The following CSMD1 variants were observed in gnomAD, a reference collection of about 807,000 sequenced individuals.
The protein encoded by CSMD1 is CUB and sushi domain-containing protein 1.
In CSMD1, 213 loss-of-function variants were observed where a neutral mutation model predicts 417.5. That is an observed-to-expected ratio of 0.51 (90% CI 0.46 to 0.57). The LOEUF (loss-of-function observed/expected upper bound fraction) is 0.57, where lower values mean the gene tolerates loss of function less well. Ranked by LOEUF, CSMD1 falls within the 20% of genes least tolerant of loss-of-function variation. The pLI, the probability that CSMD1 is intolerant of heterozygous loss-of-function variation, is 0.00. For missense variants in CSMD1, 6,923 were observed against 4,529.7 expected (o/e 1.53, Z -15.17); for synonymous variants, 2,862 against 1,736.8 (o/e 1.65, Z -16.11).
intron 12 of CSMD1, among the ~76,000 whole-genome samples, chr8:3,411,942 G>A (rs1422534037): frequency 0.06 from 392 of 6,530 alleles, no homozygotes; most frequent in Middle Eastern, 0.17. Flanking sequence ...ACGTATATAT[G>A]CACGTATATA....
At chr8:3,710,696 G>A (rs921843823) in intron 6 of CSMD1, among the ~76,000 whole-genome samples, 14 of 152,220 alleles carry the variant, frequency 9.2e-5, no homozygotes, top group Middle Eastern at 3.4e-3. Context: ...TCTTTGCAGC[G>A]ACACTGTGCA....
intron 8 of CSMD1, among the ~76,000 whole-genome samples, chr8:3,587,246 A>G (rs562755647): frequency 6.6e-6 from 1 of 152,334 alleles, no homozygotes; most frequent in South Asian, 2.1e-4. Flanking sequence ...GCTGCATTCA[A>G]AAGTGTGAGA....
At chr8:3,247,247 A>G (rs1009524427) in intron 26 of CSMD1, among the ~76,000 whole-genome samples, 4 of 152,178 alleles carry the variant, frequency 2.6e-5, no homozygotes, top group African/African-American at 9.6e-5. Context: ...ATTCACAGCG[A>G]TGTGGGTGGT....
intron 17 of CSMD1, among the ~76,000 whole-genome samples, chr8:3,395,695 G>C (rs1349739089): frequency 6.6e-6 from 1 of 152,142 alleles, no homozygotes; most frequent in East Asian, 1.9e-4. Context: ...ATTTGGTAAG[G>C]TTTAGCAGGT....
chr8:2,951,771 G>A (rs1159391380), intron 65 of CSMD1, among the ~76,000 whole-genome samples: 1 of 152,080 alleles, frequency 6.6e-6, no homozygotes, highest in Non-Finnish European at 1.5e-5. Context: ...AGCACCAAGT[G>A]GACTTATGAA....
chr8:3,715,165 AT>A (rs1280790677), intron 6 of CSMD1, among the ~76,000 whole-genome samples: 1 of 152,130 alleles, frequency 6.6e-6, no homozygotes, highest in Non-Finnish European at 1.5e-5. Context: ...ACATTTAATT[AT>A]TTTTTGCAAA....
At chr8:4,929,203 G>A (rs12545626) in intron 1 of CSMD1, among the ~76,000 whole-genome samples, 42,475 of 152,064 alleles carry the variant, frequency 0.28, 7,406 homozygotes, top group East Asian at 0.54. Flanking sequence ...AGCACGAGGG[G>A]ACACAGTGAG....
intron 3 of CSMD1, among the ~76,000 whole-genome samples, chr8:4,116,338 A>G (rs562691967): frequency 2.0e-5 from 3 of 152,168 alleles, no homozygotes; most frequent in Non-Finnish European, 4.4e-5. Context: ...GTATGATACT[A>G]TAAGGGTGGA....
At chr8:4,662,575 T>C (rs1161315621) in intron 1 of CSMD1, among the ~76,000 whole-genome samples, 1 of 152,216 alleles carries the variant, frequency 6.6e-6, no homozygotes, top group East Asian at 1.9e-4. Flanking sequence ...AAAGATGTCA[T>C]TCATGTGCCC....
intron 3 of CSMD1, among the ~76,000 whole-genome samples, chr8:4,067,799 C>G (rs1194160839): frequency 6.6e-6 from 1 of 152,118 alleles, no homozygotes; most frequent in African/African-American, 2.4e-5. Flanking sequence ...TAAAATGGGG[C>G]CAGATACAGT....
At chr8:4,008,428 G>A (rs1455783314) in intron 4 of CSMD1, among the ~76,000 whole-genome samples, 1 of 150,658 alleles carries the variant, frequency 6.6e-6, no homozygotes, top group Non-Finnish European at 1.5e-5. Context: ...TTTTTTATTT[G>A]GAATCTGAAA....
chr8:4,652,007 A>T (rs952507044), intron 1 of CSMD1, among the ~76,000 whole-genome samples: 1 of 152,210 alleles, frequency 6.6e-6, no homozygotes, highest in African/African-American at 2.4e-5. Context: ...AATTAGAAAA[A>T]TGTCTAAGTC....
At chr8:4,024,706 G>T (rs1796972477) in intron 4 of CSMD1, among the ~76,000 whole-genome samples, 1 of 152,132 alleles carries the variant, frequency 6.6e-6, no homozygotes, top group South Asian at 2.1e-4. Context: ...ACCTTCCTAT[G>T]GTGGTTCATT....
intron 1 of CSMD1, among the ~76,000 whole-genome samples, chr8:4,924,655 G>T (rs1288715940): frequency 7.3e-6 from 1 of 136,758 alleles, no homozygotes; most frequent in African/African-American, 2.7e-5. Flanking sequence ...CTGGGAGGTG[G>T]AGGTTGCAGT....
chr8:3,566,001 C>T (rs73179130), intron 10 of CSMD1, among the ~76,000 whole-genome samples: 35,529 of 152,102 alleles, frequency 0.23, 4,449 homozygotes, highest in Non-Finnish European at 0.28. Flanking sequence ...TACATTGACA[C>T]CCCATTTCCT....
chr8:3,374,583 A>C (rs1214422453), intron 18 of CSMD1, among the ~76,000 whole-genome samples: 3 of 152,198 alleles, frequency 2.0e-5, no homozygotes, highest in African/African-American at 7.2e-5. Flanking sequence ...GTGAATCAAC[A>C]AAGTGATGAA....
At chr8:4,653,683 G>A (rs1804049733) in intron 1 of CSMD1, among the ~76,000 whole-genome samples, 1 of 152,026 alleles carries the variant, frequency 6.6e-6, no homozygotes, top group Non-Finnish European at 1.5e-5. Flanking sequence ...GTTGCCCCAG[G>A]CTGAAAATAA....
chr8:3,485,979 T>A (rs1323426257), intron 11 of CSMD1, among the ~76,000 whole-genome samples: 1 of 152,090 alleles, frequency 6.6e-6, no homozygotes, highest in Non-Finnish European at 1.5e-5. Flanking sequence ...AGGGGTTCAA[T>A]GAGCGATTAG....
chr8:4,538,137 A>G (rs1797194766), intron 2 of CSMD1, among the ~76,000 whole-genome samples: 3 of 151,418 alleles, frequency 2.0e-5, no homozygotes, highest in Admixed American at 2.0e-4. Flanking sequence ...CTGTGATGTC[A>G]TTTGGCACAG....
Sources: gnomAD v4.1 joint callset for allele counts (sites outside exome capture counted in the v4.1 genomes callset) on GRCh38, gnomAD v4.1.1 for gene constraint, MANE v1.5 for transcripts, NCBI Gene and HGNC (gene_info 2026-07-23, HGNC 2026-07-21) for gene names.